The following WLS variants were observed in gnomAD, a reference collection of about 807,000 sequenced individuals.
The protein encoded by WLS is Wnt ligand secretion mediator, also known as protein wntless homolog.
A neutral mutation model predicts 62.8 loss-of-function variants in WLS; 23 were observed. The observed-to-expected ratio is 0.37, with a 90% CI of 0.26 to 0.52. WLS has a LOEUF of 0.52. Ranked by LOEUF, WLS falls within the 20% of genes least tolerant of loss-of-function variation. The pLI, the probability that WLS is intolerant of heterozygous loss-of-function variation, is 0.92. For synonymous variants in WLS, 246 were observed against 244.1 expected (o/e 1.01, Z -0.07); for missense variants, 615 against 697.3 (o/e 0.88, Z 1.33).
At chr1:68,150,162 C>A in intron 6 of WLS, 26 bp downstream of exon 6, 1 of 1,610,106 alleles carries the variant, frequency 6.2e-7, no homozygotes. Context: ...CTGGTACAGA[C>A]GTCTGTCCCT....
chr1:68,214,608 C>A (rs977219549), intron 1 of WLS, among the ~76,000 whole-genome samples: 5 of 152,310 alleles, frequency 3.3e-5, no homozygotes, highest in African/African-American at 1.2e-4. Flanking sequence ...TCAGGCCTCC[C>A]AAAGTGCTGG....
intron 5 of WLS, among the ~76,000 whole-genome samples, chr1:68,153,265 C>T (rs1420747219): frequency 6.6e-6 from 1 of 152,122 alleles, no homozygotes; most frequent in East Asian, 1.9e-4. Flanking sequence ...CAGAGTGAGA[C>T]CTTGTCTCCA....
Position 68,101,264 on chromosome 1 carries a change from C to A in WLS, c.1511-2511G>T, listed in dbSNP as rs1428009526. On this transcript the variant is annotated intron_variant, in intron 11 of 11. Transcript: ENST00000354777. ...TGAAATAATACAAAGCACCTAGCAC[C>A]ATGCCTGGCAGAGAGGGGCCAATAA... Among the ~76,000 whole-genome samples the A allele has an allele frequency of 3.3e-5, 5 of 152,136 alleles. No homozygotes were observed. In the East Asian group the frequency reaches 9.6e-4, roughly 29 times the overall value.
Position 68,162,649 on chromosome 1 carries a change from C to T in WLS, c.380-3402G>A. On this transcript the variant is annotated intron_variant, in intron 2 of 11. Coordinates refer to ENST00000262348, the MANE Select transcript of WLS (RefSeq NM_024911.7). Reference sequence around the variant, plus strand: ...CAGTGCTTGGTACAGCCATGTGTTCCTCTGGTACAGATTGAGGATGTGGCA... The same window carrying T: ...CAGTGCTTGGTACAGCCATGTGTTCTTCTGGTACAGATTGAGGATGTGGCA... The T allele has an allele frequency of 2.4e-6, 3 of 1,245,264 alleles. No homozygotes were observed. In the South Asian group the frequency reaches 3.7e-5, roughly 15 times the overall value. The allele number at this position is 1,245,264 out of a possible 1,614,324, so 77.1% of individuals were successfully genotyped here. A position where few individuals can be genotyped will look rare whatever the true frequency, so the allele number is the denominator to read the frequency against.
At chr1:68,172,783 T>C (rs546543988) in intron 2 of WLS, among the ~76,000 whole-genome samples, 1 of 152,060 alleles carries the variant, frequency 6.6e-6, no homozygotes, top group South Asian at 2.1e-4. Flanking sequence ...GGAAGCCCCA[T>C]GTATAAAAAG....
At chr1:68,179,874 C>A (rs1647450224) in intron 2 of WLS, among the ~76,000 whole-genome samples, 1 of 152,092 alleles carries the variant, frequency 6.6e-6, no homozygotes, top group African/African-American at 2.4e-5. Context: ...AAAGGTAGAT[C>A]TCGAATTACT....
In WLS at chr1:68,145,992, A is replaced by G; in HGVS notation, c.1155T>C (p.Ala385=). 6.2e-7 allele frequency: 1 copy of G among 1,614,178 alleles called. No individual in the cohort carries two copies. The highest frequency in any genetic ancestry group is 8.5e-7 in the Non-Finnish European group (1 of 1,180,012). The change falls in exon 9 of 12, where the codon GCT becomes GCC. Residue 385 remains alanine (A), a synonymous_variant. Coordinates refer to ENST00000262348, the MANE Select transcript of WLS (RefSeq NM_024911.7). ...GGAAGTAGAGGCAGAGGCAGATTCC[A>G]GCCACGATGATGAAGGCCATCTGGT... ...TELAMAFIIV[A]GICLCLYFLF... is the part of the protein sequence containing the mutation.
chr1:68,132,597 G>T (rs367769786), intron 11 of WLS, among the ~76,000 whole-genome samples: 8 of 152,166 alleles, frequency 5.3e-5, no homozygotes, highest in African/African-American at 1.9e-4. Flanking sequence ...AACCAGTGTT[G>T]CCGCTTTTGC....
intron 11 of WLS, among the ~76,000 whole-genome samples, chr1:68,110,469 TTG>T (rs1646210900): frequency 1.3e-5 from 2 of 148,220 alleles, no homozygotes; most frequent in Non-Finnish European, 3.0e-5. Context: ...CATATTATTA[TTG>T]CATTAAATAA....
At chr1:68,104,530 A>G (rs1025604945) in intron 11 of WLS, among the ~76,000 whole-genome samples, 1 of 152,112 alleles carries the variant, frequency 6.6e-6, no homozygotes, top group African/African-American at 2.4e-5. Context: ...GCCCAGCTCT[A>G]TTGGGACTAT....
downstream of WLS, chr1:68,121,187 C>T (rs1646360202): frequency 6.6e-6 from 1 of 152,134 alleles, no homozygotes; most frequent in Non-Finnish European, 1.5e-5. Flanking sequence ...TGGAGCAGTC[C>T]TGCCATCTGA....
intron 1 of WLS, chr1:68,203,111 T>C (rs1205016404): frequency 6.6e-6 from 1 of 152,254 alleles, no homozygotes; most frequent in Non-Finnish European, 1.5e-5. Context: ...TCAATATTAT[T>C]GTTAATAATA....
At chr1:68,153,098 G>A (rs1017520971) in intron 5 of WLS, among the ~76,000 whole-genome samples, 5 of 152,026 alleles carry the variant, frequency 3.3e-5, no homozygotes, top group Non-Finnish European at 5.9e-5. Flanking sequence ...GGGCAACATA[G>A]GGAAACCCTG....
chr1:68,164,328 G>A (rs556093150), intron 2 of WLS, among the ~76,000 whole-genome samples: 78 of 151,806 alleles, frequency 5.1e-4, no homozygotes, highest in African/African-American at 1.0e-3. Context: ...GCATGATCTC[G>A]GCTCACTGCA....
At chr1:68,174,042 G>A (rs1424397519) in intron 2 of WLS, among the ~76,000 whole-genome samples, 2 of 152,164 alleles carry the variant, frequency 1.3e-5, no homozygotes, top group African/African-American at 4.8e-5. Context: ...GTCCTAAAAT[G>A]TTTTCTGTTT....
At chr1:68,119,641 G>A (rs1336752126) in intron 11 of WLS, among the ~76,000 whole-genome samples, 1 of 152,246 alleles carries the variant, frequency 6.6e-6, no homozygotes, top group East Asian at 1.9e-4. Flanking sequence ...CTTGGTGGCT[G>A]TTCTTTGCAT....
intron 1 of WLS, among the ~76,000 whole-genome samples, chr1:68,222,936 G>T (rs1221061096): frequency 6.6e-6 from 1 of 150,596 alleles, no homozygotes; most frequent in African/African-American, 2.4e-5. Context: ...GGGGGCAGGG[G>T]TGAGGTACCA....
chr1:68,191,034 G>A (rs961533151), intron 2 of WLS, among the ~76,000 whole-genome samples: 1 of 146,094 alleles, frequency 6.8e-6, no homozygotes, highest in Non-Finnish European at 1.5e-5. Context: ...CTCCAGCCTG[G>A]GCAACAAGGG....
intron 2 of WLS, among the ~76,000 whole-genome samples, chr1:68,180,649 C>T (rs1479325232): frequency 1.3e-5 from 2 of 152,262 alleles, no homozygotes; most frequent in East Asian, 1.9e-4. Flanking sequence ...TGTTGGATTA[C>T]CAATAAATAG....
Sources: gnomAD v4.1 joint callset for allele counts (sites outside exome capture counted in the v4.1 genomes callset) on GRCh38, gnomAD v4.1.1 for gene constraint, MANE v1.5 for transcripts, NCBI Gene and HGNC (gene_info 2026-07-23, HGNC 2026-07-21) for gene names.